The following DENND3 variants were observed in gnomAD, a reference collection of about 807,000 sequenced individuals.
The protein encoded by DENND3 is DENN domain-containing protein 3.
DENND3 carries 88 observed loss-of-function variants against 135.1 expected under a neutral mutation model. That is an observed-to-expected ratio of 0.65 (90% confidence interval 0.55 to 0.78). The LOEUF is 0.78. Among genes scored for constraint, DENND3 ranks in the 30% least tolerant of loss-of-function variants. The pLI is 0.00. For missense variants in DENND3, 1,392 were observed against 1,688.4 expected, an observed-to-expected ratio of 0.82 and a Z score of 3.08; for synonymous variants, 693 against 712.3, an observed-to-expected ratio of 0.97 and a Z score of 0.43.
intron 10 of DENND3, 55 bp from the exon 11 acceptor site, chr8:141,165,131 G>GCT: frequency 7.1e-7 from 1 of 1,409,662 alleles, no homozygotes; most frequent in Non-Finnish European, 1.0e-6. Flanking sequence ...GGGCTTTGGA[G>GCT]CAGGGACCTG....
At chr8:141,156,039 G>C (rs1489687897) in intron 8 of DENND3, 69 bp downstream of exon 8, 9 of 1,489,152 alleles carry the variant, frequency 6.0e-6, no homozygotes, top group Non-Finnish European at 7.2e-6. Flanking sequence ...GCCACTTCGA[G>C]TATCTTTTCC....
At chr8:141,172,911 TA>T in intron 13 of DENND3, among the ~76,000 whole-genome samples, 1 of 140,252 alleles carries the variant, frequency 7.1e-6, no homozygotes, top group Non-Finnish European at 1.6e-5. Context: ...ACCCTGTCTC[TA>T]AATTTAAAAA....
At position 141,131,412 on chromosome 8, in the gene DENND3, T is replaced by C. The variant is rs1816076106; in HGVS notation, c.102+2603T>C. ...TGTGAAGCTCCATTTTTATGGCTTT[T>C]GGTGGACATCGTCCTGACTTTCAGT... is the stretch of plus-strand genomic sequence containing the variant. On this transcript the variant is annotated intron_variant, in intron 1 of 22. Transcript: ENST00000519811. Among the ~76,000 whole-genome samples the C allele has an allele frequency of 2.6e-5, 4 of 152,220 alleles. No homozygotes were observed. In the South Asian group the frequency reaches 8.3e-4, roughly 32 times the overall value.
At chr8:141,158,022 A>G in intron 8 of DENND3, 1 of 1,149,326 alleles carries the variant, frequency 8.7e-7, no homozygotes, top group Non-Finnish European at 1.1e-6. Context: ...GGCCTCCCAG[A>G]GTGCTCAGAT....
At chr8:141,193,481 G>C (rs1293288426) in intron 22 of DENND3, 1 of 162,578 alleles carries the variant, frequency 6.2e-6, no homozygotes, top group Non-Finnish European at 1.4e-5. Context: ...AGAACAGGCT[G>C]TCTCTTCCCA....
At chr8:141,176,277 AAAAAC>A in intron 14 of DENND3, 1 of 202,804 alleles carries the variant, frequency 4.9e-6, no homozygotes, top group Middle Eastern at 1.5e-3. Flanking sequence ...AAAAAAAAAC[AAAAAC>A]AAAACAAAAA....
chr8:141,141,612 G>A lies in DENND3; in HGVS notation c.623+288G>A. Reference sequence around the variant, plus strand: ...GGTAGGAAAGGGATGAAGCCACACTGTCGGAAGTAAGGTTGATGTTCAGGA... The same window carrying A: ...GGTAGGAAAGGGATGAAGCCACACTATCGGAAGTAAGGTTGATGTTCAGGA... On this transcript the variant is annotated intron_variant, in intron 4 of 22. Transcript: ENST00000519811. This position sits in a 1 kb window ranked among gnomAD's most constrained non-coding sequence, Gnocchi z 5.3. 2 of 434,892 alleles carry A rather than the reference G, an allele frequency of 4.6e-6. No individual in the cohort carries two copies. The highest frequency in any genetic ancestry group is 4.3e-5 in the East Asian group (1 of 23,170). The allele number at this position is 434,892 out of a possible 1,614,324, so 26.9% of individuals were successfully genotyped here. A position where few individuals can be genotyped will look rare whatever the true frequency, so the allele number is the denominator to read the frequency against.
intron 15 of DENND3, 80 bp from the exon 16 acceptor site, chr8:141,177,987 C>T: frequency 6.6e-7 from 1 of 1,506,582 alleles, no homozygotes; most frequent in Non-Finnish European, 8.9e-7. Context: ...GAAGGATTGT[C>T]CTGTGTGTTG....
rs1023145440 is a variant in DENND3 at position 141,174,368 on chromosome 8, G to T, written c.2276-832G>T. 6.6e-6 allele frequency among the ~76,000 whole-genome samples: 1 copy of T among 152,158 alleles called. No homozygotes were observed. Among genetic ancestry groups the T allele is most frequent in the African/African-American group, 2.4e-5 (1 of 41,436 alleles). ...GGAGGGTTTTCCTGTGCAGAACTGA[G>T]GGGGACTTGCTGCACGTCAGGGGAC... On this transcript the variant is annotated intron_variant, in intron 13 of 22. Transcript: ENST00000519811. The surrounding 1 kb of genome is among the most constrained non-coding windows in gnomAD (Gnocchi z 4.6).
At chr8:141,190,227 GCA>G (rs1468296432) in intron 19 of DENND3, 55 bp from the exon 20 acceptor site, 20 of 1,490,274 alleles carry the variant, frequency 1.3e-5, no homozygotes, top group Admixed American at 4.5e-5. Context: ...GTTAAAATGT[GCA>G]CAGTGTTTTC....
chr8:141,194,151 C>T lies in DENND3; in HGVS notation c.3755C>T (p.Thr1252Met), dbSNP rs775743100. 9.9e-6 allele frequency: 16 copies of T among 1,613,650 alleles called. No homozygotes were observed. Among genetic ancestry groups the T allele is most frequent in the East Asian group, 6.7e-5 (3 of 44,888 alleles). ...ELVAHMDTVR[T>M]LCSAEDRYVL... is the part of the protein sequence containing the mutation. ...GTGGCGCACATGGACACCGTGAGGA[C>T]GCTGTGCTCGGCTGAGGACAGATAC... The change falls in exon 23 of 23, where the codon ACG becomes ATG. Residue 1252 changes from threonine (T) to methionine (M), a missense_variant. Transcript: ENST00000519811.
chr8:141,178,513 T>C (rs1822685157), intron 16 of DENND3, among the ~76,000 whole-genome samples: 1 of 152,230 alleles, frequency 6.6e-6, no homozygotes, highest in Admixed American at 6.5e-5. Flanking sequence ...TCTGGCTGGC[T>C]GAAGCAGACT....
In DENND3 at chr8:141,175,868, G is replaced by A. The variant is rs1170552244; in HGVS notation, c.2535+409G>A. 4 of 255,088 alleles carry A rather than the reference G, an allele frequency of 1.6e-5. No homozygotes were observed. Among genetic ancestry groups the A allele is most frequent in the Non-Finnish European group, 3.1e-5 (4 of 127,706 alleles). 15.8% of individuals were successfully genotyped at this position (255,088 alleles called of 1,614,324 possible). A position where few individuals can be genotyped will look rare whatever the true frequency, so the allele number is the denominator to read the frequency against. On this transcript the variant is annotated intron_variant, in intron 14 of 22. Transcript: ENST00000519811. The surrounding 1 kb of genome is among the most constrained non-coding windows in gnomAD (Gnocchi z 5.4). Reference sequence around the variant, plus strand: ...TAGCTCACATTTTCTAGTCACAGTCGGACCTGGTTCATATAAAACATAACA... The same window carrying A: ...TAGCTCACATTTTCTAGTCACAGTCAGACCTGGTTCATATAAAACATAACA...
At chr8:141,132,203 A>G (rs1319818552) in intron 1 of DENND3, among the ~76,000 whole-genome samples, 1 of 152,230 alleles carries the variant, frequency 6.6e-6, no homozygotes, top group Non-Finnish European at 1.5e-5. Context: ...GACTACATTT[A>G]TGAAACAAAA....
rs145382501 is a variant in DENND3, at chr8:141,180,750, C to T, written c.2840C>T (p.Pro947Leu). ...SYFDKMSNEMPMTLPETTLET... is the reference protein window; with the variant it reads ...SYFDKMSNEMLMTLPETTLET... ...CTCCAAGTGTCTTGTCTTTCAGTGC[C>T]CATGACGCTTCCGGAGACAACCCTG... The change falls in exon 17 of 23, where the codon CCC becomes CTC. Residue 947 changes from proline to leucine, a missense_variant. Pro to Leu is a moderately conservative substitution (Grantham distance 98). Coordinates refer to ENST00000519811, the MANE Select transcript of DENND3 (RefSeq NM_001352890.3). The T allele has an allele frequency of 2.5e-6, 4 of 1,612,566 alleles. No homozygotes were observed. In the African/African-American group the frequency reaches 5.3e-5, roughly 21 times the overall value.
rs368501064 is a variant in DENND3 at position 141,149,565 on chromosome 8, C to T, written c.736-1269C>T. 4.6e-5 allele frequency among the ~76,000 whole-genome samples: 7 copies of T among 152,356 alleles called. No individual in the cohort carries two copies. The East Asian group carries it at 9.6e-4, about 21-fold the overall frequency. ...ATTGCAGTTCAGGGTTGAGGGTGGACGGAGGCCATCCCGGCAGCTTAGGGC... is the reference window on the plus strand; with the variant it reads ...ATTGCAGTTCAGGGTTGAGGGTGGATGGAGGCCATCCCGGCAGCTTAGGGC... On this transcript the variant is annotated intron_variant, in intron 5 of 22. Transcript: ENST00000519811.
chr8:141,189,543 C>T (rs1824408524), intron 19 of DENND3, among the ~76,000 whole-genome samples: 1 of 152,252 alleles, frequency 6.6e-6, no homozygotes, highest in Admixed American at 6.5e-5. Context: ...CTGTTTCCCA[C>T]AGTGGGAGCA....
rs112550746 is a variant in DENND3, at chr8:141,180,852, C to T, written c.2942C>T (p.Pro981Leu). The T allele has an allele frequency of 6.2e-7, 1 of 1,610,358 alleles. No individual in the cohort carries two copies. Among genetic ancestry groups the T allele is most frequent in the South Asian group, 1.1e-5 (1 of 90,182 alleles). ...PQAVDVLLYT[P>L]GHLDPAEKVE... ...GCGGTGGACGTGCTGCTCTACACTC[C>T]AGGTAAGGCCCCTCTGCCCGCGCCT... is the stretch of plus-strand genomic sequence containing the variant. The change falls in exon 17 of 23, where the codon CCA (proline) becomes CTA (leucine). Residue 981 changes from proline to leucine, a missense_variant and splice_region_variant. By Grantham distance (98) the Pro-to-Leu change is moderately conservative. Coordinates refer to ENST00000519811, the MANE Select transcript of DENND3 (RefSeq NM_001352890.3).
intron 5 of DENND3, among the ~76,000 whole-genome samples, chr8:141,145,586 C>T (rs1007029293): frequency 6.6e-6 from 1 of 151,944 alleles, no homozygotes; most frequent in Non-Finnish European, 1.5e-5. Context: ...TTTATATACT[C>T]TTCCTAAAGG....
Sources: allele counts gnomAD v4.1 joint callset (sites outside exome capture counted in the v4.1 genomes callset), GRCh38; gene constraint gnomAD v4.1.1; non-coding constraint Gnocchi (gnomAD v3.1); transcripts MANE v1.5; gene names NCBI Gene and HGNC (gene_info 2026-07-23, HGNC 2026-07-21).